The following GABRG3 variants were observed in gnomAD, a reference collection of about 807,000 sequenced individuals.
The protein encoded by GABRG3 is gamma-aminobutyric acid type A receptor subunit gamma3.
GABRG3 carries 25 observed loss-of-function variants against 48.8 expected under a neutral mutation model. The ratio of observed to expected loss-of-function variants is 0.51; its 90% CI spans 0.37 to 0.72. The LOEUF (loss-of-function observed/expected upper bound fraction) is 0.72, where lower values mean the gene tolerates loss of function less well. Ranked by LOEUF, GABRG3 falls within the 30% of genes least tolerant of loss-of-function variation. GABRG3 has a pLI of 0.00. For synonymous variants in GABRG3, 227 were observed against 217.6 expected (o/e 1.04, Z -0.38); for missense variants, 394 against 577.9 (o/e 0.68, Z 3.26).
chr15:27,094,092 G>C (rs1897235903), intron 3 of GABRG3, among the ~76,000 whole-genome samples: 1 of 152,210 alleles, frequency 6.6e-6, no homozygotes, highest in Admixed American at 6.5e-5. Context: ...CTTAGTGGTT[G>C]CGAGTATTTG....
chr15:27,307,170 A>G (rs1052438121), intron 3 of GABRG3, among the ~76,000 whole-genome samples: 2 of 138,950 alleles, frequency 1.4e-5, no homozygotes, highest in African/African-American at 2.6e-5. Flanking sequence ...ACATGTTTAT[A>G]CATAATATAT....
chr15:27,504,101 G>A (rs1295120015), intron 6 of GABRG3, among the ~76,000 whole-genome samples: 3 of 151,830 alleles, frequency 2.0e-5, no homozygotes, highest in African/African-American at 2.4e-5. Context: ...CTGTAGTTGG[G>A]TCTTGCTTAT....
chr15:27,165,367 G>A (rs2140406822), intron 3 of GABRG3, among the ~76,000 whole-genome samples: 1 of 152,294 alleles, frequency 6.6e-6, no homozygotes, highest in African/African-American at 2.4e-5. Flanking sequence ...CCATGACAAA[G>A]CCTCTGTGTC....
chr15:27,159,640 C>T (rs141557340), intron 3 of GABRG3, among the ~76,000 whole-genome samples: 31 of 152,194 alleles, frequency 2.0e-4, no homozygotes, highest in East Asian at 1.4e-3. Context: ...CTCCTGGAAA[C>T]GCTAGACTTT....
intron 3 of GABRG3, among the ~76,000 whole-genome samples, chr15:27,075,540 G>T (rs1188389245): frequency 6.6e-6 from 1 of 152,180 alleles, no homozygotes; most frequent in Non-Finnish European, 1.5e-5. Context: ...ATTCGGCAGA[G>T]AACTCTTTCC....
chr15:27,512,250 A>T (rs11074287), intron 6 of GABRG3, among the ~76,000 whole-genome samples: 53 of 151,962 alleles, frequency 3.5e-4, no homozygotes, highest in African/African-American at 1.1e-3. Flanking sequence ...TTATTATTAC[A>T]ATAATCAAGT....
chr15:27,200,756 C>T (rs375393407), intron 3 of GABRG3, among the ~76,000 whole-genome samples: 1 of 152,134 alleles, frequency 6.6e-6, no homozygotes, highest in Non-Finnish European at 1.5e-5. Context: ...GTCTCAATAA[C>T]ATTTTACTCA....
rs202145549 is a variant in GABRG3 at position 27,533,061 on chromosome 15, C to T, written c.*180C>T. The T allele has an allele frequency of 8.6e-5, 51 of 594,458 alleles. No homozygotes were observed. In the East Asian group the frequency reaches 1.4e-3, roughly 16 times the overall value. The allele number at this position is 594,458 out of a possible 1,614,324, so 36.8% of individuals were successfully genotyped here. A position where few individuals can be genotyped will look rare whatever the true frequency, so the allele number is the denominator to read the frequency against. ...AAAGGTTTCTATTATGTATTTTACACACACACATACATACACACACACAGC... is the reference window on the plus strand; with the variant it reads ...AAAGGTTTCTATTATGTATTTTACATACACACATACATACACACACACAGC... On this transcript the variant is annotated 3_prime_UTR_variant, in exon 10 of 10. Coordinates refer to ENST00000615808, the MANE Select transcript of GABRG3 (RefSeq NM_033223.5).
At chr15:27,334,272 A>G (rs1252479874) in intron 5 of GABRG3, among the ~76,000 whole-genome samples, 1 of 152,198 alleles carries the variant, frequency 6.6e-6, no homozygotes, top group Non-Finnish European at 1.5e-5. Flanking sequence ...AAAGAGAGGT[A>G]TCTCTTCACA....
intron 3 of GABRG3, among the ~76,000 whole-genome samples, chr15:27,297,148 G>A (rs1166428199): frequency 2.0e-5 from 3 of 151,946 alleles, no homozygotes; most frequent in Non-Finnish European, 4.4e-5. Context: ...GAAATAAATC[G>A]TTTTTGTATA....
intron 5 of GABRG3, among the ~76,000 whole-genome samples, chr15:27,437,343 T>G (rs1287753556): frequency 6.6e-6 from 1 of 152,228 alleles, no homozygotes; most frequent in Non-Finnish European, 1.5e-5. Context: ...AAATTAAATT[T>G]TATTTTATGT....
chr15:27,243,077 C>T (rs1274719292), intron 3 of GABRG3, among the ~76,000 whole-genome samples: 2 of 152,138 alleles, frequency 1.3e-5, no homozygotes, highest in Non-Finnish European at 2.9e-5. Context: ...GCGTTTTGAT[C>T]TCTGATAGGA....
intron 3 of GABRG3, among the ~76,000 whole-genome samples, chr15:27,131,026 A>ATTTTCT (rs1897907691): frequency 6.6e-6 from 1 of 151,930 alleles, no homozygotes; most frequent in African/African-American, 2.4e-5. Context: ...ATGCCTTTTA[A>ATTTTCT]TTTTCTTTTC....
chr15:27,170,531 G>A (rs959582319), intron 3 of GABRG3, among the ~76,000 whole-genome samples: 2 of 152,124 alleles, frequency 1.3e-5, no homozygotes, highest in Non-Finnish European at 2.9e-5. Context: ...AAGAAAACAA[G>A]AGAAGAAGAC....
At chr15:27,392,217 A>G (rs571349628) in intron 5 of GABRG3, among the ~76,000 whole-genome samples, 2 of 152,292 alleles carry the variant, frequency 1.3e-5, no homozygotes, top group Non-Finnish European at 2.9e-5. Flanking sequence ...CGCTTTGTTC[A>G]TATTCCATCC....
intron 6 of GABRG3, among the ~76,000 whole-genome samples, chr15:27,484,492 G>A (rs1010049920): frequency 7.2e-5 from 11 of 152,162 alleles, no homozygotes; most frequent in Admixed American, 6.5e-4. Context: ...ATGCATACAT[G>A]TATGAGTTGA....
intron 5 of GABRG3, among the ~76,000 whole-genome samples, chr15:27,356,423 T>C (rs923865304): frequency 6.6e-6 from 1 of 152,212 alleles, no homozygotes; most frequent in East Asian, 1.9e-4. Flanking sequence ...TTTTTGAGAA[T>C]GTACTATATG....
intron 3 of GABRG3, among the ~76,000 whole-genome samples, chr15:27,052,134 C>T (rs775963733): frequency 5.3e-5 from 8 of 152,146 alleles, no homozygotes; most frequent in Non-Finnish European, 1.0e-4. Flanking sequence ...ACAGATCGGG[C>T]GTTGGGGCCC....
intron 3 of GABRG3, among the ~76,000 whole-genome samples, chr15:27,043,715 C>T (rs1896316066): frequency 6.6e-6 from 1 of 152,162 alleles, no homozygotes; most frequent in African/African-American, 2.4e-5. Flanking sequence ...AGTTAGTTAC[C>T]TATTGCTGTG....
Sources: allele counts gnomAD v4.1 joint callset (sites outside exome capture counted in the v4.1 genomes callset), GRCh38; gene constraint gnomAD v4.1.1; transcripts MANE v1.5; gene names NCBI Gene and HGNC (gene_info 2026-07-23, HGNC 2026-07-21).